The following GULP1 variants were observed in gnomAD, a reference collection of about 807,000 sequenced individuals.
The protein encoded by GULP1 is GULP PTB domain containing engulfment adaptor 1, also known as PTB domain-containing engulfment adapter protein 1.
In GULP1, 19 loss-of-function variants were observed where a neutral mutation model predicts 40.9. That is an observed-to-expected ratio of 0.46 (90% CI 0.32 to 0.68). The LOEUF is 0.68. Ranked by LOEUF, GULP1 falls within the 30% of genes least tolerant of loss-of-function variation. GULP1 has a pLI of 0.03. For missense variants in GULP1, 312 were observed against 362.2 expected (o/e 0.86, Z 1.12); for synonymous variants, 119 against 117.6 (o/e 1.01, Z -0.08).
At chr2:188,336,904 T>A (rs756652664) in intron 1 of GULP1, among the ~76,000 whole-genome samples, 1 of 152,166 alleles carries the variant, frequency 6.6e-6, no homozygotes, top group Non-Finnish European at 1.5e-5. Context: ...CAAACACCAG[T>A]GTGCAGATAC....
chr2:188,496,890 C>G (rs1271584587), intron 4 of GULP1, among the ~76,000 whole-genome samples: 1 of 151,836 alleles, frequency 6.6e-6, no homozygotes, highest in Non-Finnish European at 1.5e-5. Flanking sequence ...GTAGCACCTC[C>G]CACTCCTTTA....
At chr2:188,579,226 G>A (rs1208923495) in intron 9 of GULP1, among the ~76,000 whole-genome samples, 1 of 152,084 alleles carries the variant, frequency 6.6e-6, no homozygotes, top group Non-Finnish European at 1.5e-5. Context: ...TGGTAGGAGT[G>A]ATAAATTTGA....
At chr2:188,409,460 A>G (rs922467761) in intron 2 of GULP1, among the ~76,000 whole-genome samples, 2 of 152,178 alleles carry the variant, frequency 1.3e-5, no homozygotes, top group African/African-American at 2.4e-5. Context: ...TGAATCAGTA[A>G]TAAAATTTCT....
intron 1 of GULP1, among the ~76,000 whole-genome samples, chr2:188,326,255 TAA>T (rs2040750975): frequency 6.6e-6 from 1 of 152,142 alleles, no homozygotes; most frequent in African/African-American, 2.4e-5. Context: ...GTGTAAGCTT[TAA>T]GAGTTTAATG....
chr2:188,562,774 C>T (rs1696639424), intron 7 of GULP1, among the ~76,000 whole-genome samples: 1 of 152,096 alleles, frequency 6.6e-6, no homozygotes, highest in Admixed American at 6.6e-5. Flanking sequence ...CAGAGGTATA[C>T]TATATGCTGG....
intron 2 of GULP1, among the ~76,000 whole-genome samples, chr2:188,438,286 G>GCAGT: frequency 6.6e-6 from 1 of 151,932 alleles, no homozygotes; most frequent in East Asian, 1.9e-4. Context: ...ATTGGCCAAT[G>GCAGT]CAGTCGCATG....
chr2:188,529,519 A>G (rs773172746), intron 6 of GULP1, among the ~76,000 whole-genome samples: 1 of 152,194 alleles, frequency 6.6e-6, no homozygotes, highest in Non-Finnish European at 1.5e-5. Context: ...AAAGAAGATA[A>G]AAGCTGTGTG....
At chr2:188,463,017 A>G (rs559936951) in intron 2 of GULP1, among the ~76,000 whole-genome samples, 13 of 152,076 alleles carry the variant, frequency 8.5e-5, no homozygotes, top group Admixed American at 7.9e-4. Flanking sequence ...TGATTGGATC[A>G]TTGTTTAGTT....
chr2:188,471,193 C>G (rs1362249280), intron 2 of GULP1, among the ~76,000 whole-genome samples: 1 of 151,952 alleles, frequency 6.6e-6, no homozygotes, highest in African/African-American at 2.4e-5. Context: ...TTTGGTTTCT[C>G]TTGGCATGGA....
chr2:188,492,942 G>A (rs1159780976), intron 4 of GULP1, among the ~76,000 whole-genome samples: 1 of 151,970 alleles, frequency 6.6e-6, no homozygotes, highest in Non-Finnish European at 1.5e-5. Flanking sequence ...TTTCTGCCTG[G>A]TAGCATAGTC....
At chr2:188,356,209 GA>G (rs1472794231) in intron 1 of GULP1, among the ~76,000 whole-genome samples, 3 of 151,980 alleles carry the variant, frequency 2.0e-5, no homozygotes, top group African/African-American at 7.2e-5. Context: ...AAGAGAAAGA[GA>G]AAAAGGGCAT....
At chr2:188,372,478 T>G (rs2047725674) in intron 1 of GULP1, among the ~76,000 whole-genome samples, 1 of 152,072 alleles carries the variant, frequency 6.6e-6, no homozygotes, top group South Asian at 2.1e-4. Context: ...AAATTTTGCC[T>G]TTTCAGCATG....
At chr2:188,521,945 G>A (rs1361519776) in intron 4 of GULP1, among the ~76,000 whole-genome samples, 3 of 151,982 alleles carry the variant, frequency 2.0e-5, no homozygotes, top group African/African-American at 4.8e-5. Flanking sequence ...GCACAGTGGC[G>A]GGTGCCTGTA....
chr2:188,466,209 C>A, intron 2 of GULP1, among the ~76,000 whole-genome samples: 1 of 151,928 alleles, frequency 6.6e-6, no homozygotes, highest in Admixed American at 6.6e-5. Context: ...ATCATGTTTT[C>A]TCTTAATAAA....
chr2:188,581,248 C>T (rs935192600), intron 9 of GULP1, among the ~76,000 whole-genome samples: 1 of 152,084 alleles, frequency 6.6e-6, no homozygotes, highest in Non-Finnish European at 1.5e-5. Flanking sequence ...CTACTGCTAG[C>T]CCTTCCCTTC....
chr2:188,413,233 G>A (rs1379023203), intron 2 of GULP1, among the ~76,000 whole-genome samples: 1 of 152,180 alleles, frequency 6.6e-6, no homozygotes, highest in African/African-American at 2.4e-5. Flanking sequence ...GGGTCAAATG[G>A]TGTTTCTAGT....
intron 1 of GULP1, among the ~76,000 whole-genome samples, chr2:188,305,225 T>C (rs1203035407): frequency 6.6e-6 from 1 of 152,218 alleles, no homozygotes; most frequent in Admixed American, 6.5e-5. Flanking sequence ...AAGAGATGCA[T>C]AGGGCGACGT....
intron 6 of GULP1, among the ~76,000 whole-genome samples, chr2:188,538,704 T>C (rs918925155): frequency 4.0e-5 from 6 of 151,694 alleles, no homozygotes; most frequent in Non-Finnish European, 5.9e-5. Context: ...AGTGTGTGTG[T>C]GTGTGTGTGT....
At chr2:188,469,779 C>T (rs1273334277) in intron 2 of GULP1, among the ~76,000 whole-genome samples, 1 of 151,984 alleles carries the variant, frequency 6.6e-6, no homozygotes, top group East Asian at 1.9e-4. Flanking sequence ...TGAATTTTAT[C>T]AAATGCTTTT....
Sources: gnomAD v4.1 joint callset for allele counts (sites outside exome capture counted in the v4.1 genomes callset) on GRCh38, gnomAD v4.1.1 for gene constraint, MANE v1.5 for transcripts, NCBI Gene and HGNC (gene_info 2026-07-23, HGNC 2026-07-21) for gene names.